Variants in AGTPBP1 observed in about 807,000 individuals in gnomAD.
AGTPBP1 encodes the protein cytosolic carboxypeptidase 1.
A neutral mutation model predicts 143.9 loss-of-function variants in AGTPBP1; 70 were observed. The observed-to-expected ratio is 0.49, with a 90% CI of 0.40 to 0.59. The LOEUF is 0.59. Ranked by LOEUF, AGTPBP1 falls within the 20% of genes least tolerant of loss-of-function variation. The pLI, the probability that AGTPBP1 is intolerant of heterozygous loss-of-function variation, is 0.00. For missense variants in AGTPBP1, 1,229 were observed against 1,464.5 expected, an observed-to-expected ratio of 0.84 and a Z score of 2.62; for synonymous variants, 463 against 500.2, an observed-to-expected ratio of 0.93 and a Z score of 0.99.
chr9:85,607,447 A>G (rs552845394), intron 17 of AGTPBP1, among the ~76,000 whole-genome samples: 1 of 152,142 alleles, frequency 6.6e-6, no homozygotes, highest in Non-Finnish European at 1.5e-5. Context: ...GAATCAATCA[A>G]ATGAGGTAAA....
chr9:85,781,128 A>G, the AGTPBP1 span: 1 of 1,457,126 alleles, frequency 6.9e-7, no homozygotes, highest in Non-Finnish European at 9.0e-7. Flanking sequence ...TCAAAAAGAC[A>G]AAGAAACAAA....
chr9:85,751,122 A>T, the AGTPBP1 span, among the ~76,000 whole-genome samples: 86 of 152,276 alleles, frequency 5.6e-4, 1 homozygote, highest in Non-Finnish European at 1.1e-3. Flanking sequence ...CTCCCCATTG[A>T]TACCTTTACT....
At position 85,578,965 on chromosome 9, in the gene AGTPBP1, A is replaced by G. The variant is rs1828068307; in HGVS notation, c.3297T>C (p.Tyr1099=). 4.3e-6 allele frequency: 7 copies of G among 1,613,410 alleles called. No individual in the cohort carries two copies. In the East Asian group the frequency reaches 1.3e-4, roughly 31 times the overall value. ...AGCCACATAAAGTACTCTCCATGGTATAACTTCTTTGTACTCCTATTTCCC... is the reference window on the plus strand; with the variant it reads ...AGCCACATAAAGTACTCTCCATGGTGTAACTTCTTTGTACTCCTATTTCCC... ...VWREIGVQRS[Y]TMESTLCGCD... The change falls in exon 24 of 26, where the codon TAT becomes TAC. Residue 1099 remains tyrosine, a synonymous_variant. Coordinates refer to ENST00000357081, the MANE Select transcript of AGTPBP1 (RefSeq NM_001330701.2).
At chr9:85,568,139 G>T (rs1485715310) in intron 25 of AGTPBP1, among the ~76,000 whole-genome samples, 2 of 152,312 alleles carry the variant, frequency 1.3e-5, no homozygotes, top group African/African-American at 4.8e-5. Context: ...CCATTGACCA[G>T]TGTGGTCCAC....
At chr9:85,592,953 A>T (rs1253527708) in intron 18 of AGTPBP1, among the ~76,000 whole-genome samples, 1 of 152,146 alleles carries the variant, frequency 6.6e-6, no homozygotes, top group Non-Finnish European at 1.5e-5. Context: ...ACGTCAAAAA[A>T]ATTTTTAGAA....
chr9:85,631,199 T>C (rs1433660594), intron 14 of AGTPBP1, among the ~76,000 whole-genome samples: 1 of 152,228 alleles, frequency 6.6e-6, no homozygotes, highest in Non-Finnish European at 1.5e-5. Flanking sequence ...TGAGGACTTC[T>C]AACCCTGGAG....
chr9:85,753,937 A>G, the AGTPBP1 span, among the ~76,000 whole-genome samples: 1 of 152,112 alleles, frequency 6.6e-6, no homozygotes, highest in Admixed American at 6.6e-5. Context: ...ATACACATGC[A>G]GGTTTGTTAG....
At chr9:85,805,407 G>C in the AGTPBP1 span, 1 of 152,452 alleles carries the variant, frequency 6.6e-6, no homozygotes, top group African/African-American at 2.4e-5. Flanking sequence ...CCGCCCCGGC[G>C]CCCCGGGACC....
chr9:85,797,823 G>C, the AGTPBP1 span, among the ~76,000 whole-genome samples: 4 of 152,182 alleles, frequency 2.6e-5, no homozygotes, highest in South Asian at 8.3e-4. Context: ...GGAAAAGCTT[G>C]ATCTAGAGAA....
At chr9:85,718,866 C>A (rs943333620) in intron 1 of AGTPBP1, among the ~76,000 whole-genome samples, 3 of 152,122 alleles carry the variant, frequency 2.0e-5, no homozygotes. Context: ...GGAAGGGATC[C>A]AGTTTCAGCT....
At chr9:85,591,387 A>G (rs1480426316) in intron 19 of AGTPBP1, among the ~76,000 whole-genome samples, 1 of 152,070 alleles carries the variant, frequency 6.6e-6, no homozygotes, top group Non-Finnish European at 1.5e-5. Flanking sequence ...AGGGGTCAAA[A>G]CTGAATCCTA....
At position 85,646,416 on chromosome 9, in the gene AGTPBP1, C is replaced by T; in HGVS notation, c.1090G>A (p.Asp364Asn). Residue 364 changes from aspartate to asparagine, a missense_variant and splice_region_variant, in exon 12 of 26, where the codon GAT becomes AAT. By Grantham distance (23) the Asp-to-Asn change is conservative. Transcript: ENST00000357081. Reference protein sequence around the residue: ...AQLYSLPPEVDDVVDESDDND... With the variant: ...AQLYSLPPEVNDVVDESDDND... ...TCATCACTTTCATCTACTACGTCAT[C>T]CACTATGATACAAAATGTGCTATAA... 6.2e-7 allele frequency: 1 copy of T among 1,611,604 alleles called. No individual in the cohort carries two copies. The highest frequency in any genetic ancestry group is 8.5e-7 in the Non-Finnish European group (1 of 1,178,806).
intron 2 of AGTPBP1, among the ~76,000 whole-genome samples, chr9:85,704,964 G>A (rs1236852384): frequency 1.3e-5 from 2 of 151,932 alleles, no homozygotes; most frequent in Non-Finnish European, 2.9e-5. Flanking sequence ...AAAAAGATGA[G>A]TGAACTTGAG....
intron 11 of AGTPBP1, among the ~76,000 whole-genome samples, chr9:85,648,226 G>A (rs955332699): frequency 2.0e-5 from 3 of 152,174 alleles, no homozygotes; most frequent in East Asian, 1.9e-4. Flanking sequence ...GTTAATATAC[G>A]TAAAGTGCCA....
At chr9:85,565,605 C>G (rs1035218298) in intron 25 of AGTPBP1, among the ~76,000 whole-genome samples, 1 of 152,116 alleles carries the variant, frequency 6.6e-6, no homozygotes, top group Admixed American at 6.5e-5. Flanking sequence ...AAGTGGTCTC[C>G]TAGTTCCATC....
the AGTPBP1 span, among the ~76,000 whole-genome samples, chr9:85,779,190 TATAG>T: frequency 2.4e-4 from 15 of 61,392 alleles, no homozygotes; most frequent in South Asian, 1.6e-3. Flanking sequence ...TAGATATAGA[TATAG>T]ATATAGATAT....
upstream of AGTPBP1, among the ~76,000 whole-genome samples, chr9:85,744,420 C>A (rs1313113604): frequency 6.6e-6 from 1 of 152,200 alleles, no homozygotes; most frequent in Non-Finnish European, 1.5e-5. Flanking sequence ...AAATTATCTT[C>A]ACATGGCAAT....
At chr9:85,717,967 T>A (rs1564178045) in intron 1 of AGTPBP1, among the ~76,000 whole-genome samples, 4 of 152,146 alleles carry the variant, frequency 2.6e-5, no homozygotes, top group Admixed American at 1.3e-4. Context: ...CTGAGAATGA[T>A]GGTTTCCAGC....
upstream of AGTPBP1, among the ~76,000 whole-genome samples, chr9:85,742,824 A>C (rs1401699911): frequency 6.6e-6 from 1 of 152,234 alleles, no homozygotes; most frequent in African/African-American, 2.4e-5. Flanking sequence ...ACGTTGCACA[A>C]GAACATGTTT....
Sources: allele counts gnomAD v4.1 joint callset (sites outside exome capture counted in the v4.1 genomes callset), GRCh38; gene constraint gnomAD v4.1.1; transcripts MANE v1.5; gene names NCBI Gene and HGNC (gene_info 2026-07-23, HGNC 2026-07-21).